Variants in CLVS1 observed in about 807,000 individuals in gnomAD.
The protein encoded by CLVS1 is clavesin-1.
A neutral mutation model predicts 33.1 loss-of-function variants in CLVS1; 10 were observed. That is an observed-to-expected ratio of 0.30 (90% CI 0.19 to 0.51). CLVS1 has a LOEUF of 0.51. CLVS1 is among the 20% of genes least tolerant of loss of function. The pLI, the probability that CLVS1 is intolerant of heterozygous loss-of-function variation, is 0.97. For missense variants in CLVS1, 343 were observed against 433.4 expected (o/e 0.79, Z 1.85); for synonymous variants, 163 against 166.1 (o/e 0.98, Z 0.14).
At chr8:61,338,408 C>T (rs187636891) in intron 2 of CLVS1, among the ~76,000 whole-genome samples, 93 of 152,250 alleles carry the variant, frequency 6.1e-4, no homozygotes, top group African/African-American at 2.1e-3. Context: ...TCCTTAAAAC[C>T]AAACATTTCT....
the CLVS1 span, among the ~76,000 whole-genome samples, chr8:60,976,651 C>T: frequency 6.6e-6 from 1 of 152,272 alleles, no homozygotes; most frequent in African/African-American, 2.4e-5. Context: ...TATTTTGGAA[C>T]TCTGAAGTCT....
intron 3 of CLVS1, among the ~76,000 whole-genome samples, chr8:61,425,004 G>A (rs192733108): frequency 6.6e-6 from 1 of 152,262 alleles, no homozygotes; most frequent in African/African-American, 2.4e-5. Context: ...TTCCAGATTA[G>A]GAATGCTGAA....
chr8:61,307,611 T>C (rs1224017023), intron 2 of CLVS1, among the ~76,000 whole-genome samples: 4 of 152,188 alleles, frequency 2.6e-5, no homozygotes, highest in Non-Finnish European at 5.9e-5. Flanking sequence ...AAAAAAATTC[T>C]TTATGAACAA....
chr8:61,135,572 G>A (rs1806178259), intron 2 of CLVS1, among the ~76,000 whole-genome samples: 1 of 152,198 alleles, frequency 6.6e-6, no homozygotes, highest in Admixed American at 6.5e-5. Context: ...GCAAGAGAAA[G>A]GAGAGATTGA....
At chr8:61,096,604 C>T (rs1805355092) in intron 1 of CLVS1, among the ~76,000 whole-genome samples, 1 of 152,168 alleles carries the variant, frequency 6.6e-6, no homozygotes, top group African/African-American at 2.4e-5. Context: ...AATGTCTGAA[C>T]TAGTAATGCA....
At chr8:61,442,800 A>G (rs1816610058) in intron 3 of CLVS1, among the ~76,000 whole-genome samples, 1 of 152,080 alleles carries the variant, frequency 6.6e-6, no homozygotes. Context: ...GGGTTTCACC[A>G]TATTGGCCAG....
At chr8:61,130,240 A>AAAATAAATAAATAAATAAAT (rs78418007) in intron 1 of CLVS1, among the ~76,000 whole-genome samples, 9 of 140,044 alleles carry the variant, frequency 6.4e-5, no homozygotes, top group African/African-American at 1.9e-4. Context: ...TCTGTCTCAA[A>AAAATAAATAAATAAATAAAT]AAATAAATAA....
At chr8:61,287,894 G>T (rs1260066549), upstream of CLVS1, 6 of 345,870 alleles carry the variant, frequency 1.7e-5, no homozygotes, top group Non-Finnish European at 3.4e-5. Context: ...AACCAGGGAG[G>T]GTTGTGGTAC....
At chr8:61,202,574 C>T in intron 2 of CLVS1, 1 of 1,253,134 alleles carries the variant, frequency 8.0e-7, no homozygotes, top group East Asian at 2.3e-5. Flanking sequence ...ATTAAAGTAA[C>T]ACTGGCAACT....
chr8:61,090,784 A>G, intron 1 of CLVS1: 1 of 478,564 alleles, frequency 2.1e-6, no homozygotes, highest in South Asian at 1.6e-5. Context: ...ACAGAGAAGA[A>G]TTTTCCTCTA....
the CLVS1 span, among the ~76,000 whole-genome samples, chr8:61,014,321 C>T: frequency 1.3e-5 from 2 of 152,096 alleles, no homozygotes; most frequent in East Asian, 3.8e-4. Context: ...TACTCTGCAC[C>T]CCATACCTGC....
the CLVS1 span, among the ~76,000 whole-genome samples, chr8:60,986,892 G>T: frequency 9.9e-5 from 15 of 152,150 alleles, no homozygotes; most frequent in Non-Finnish European, 1.6e-4. Context: ...CTGAATAAGA[G>T]GCATGACTTG....
chr8:61,003,535 T>C, the CLVS1 span, among the ~76,000 whole-genome samples: 14 of 152,176 alleles, frequency 9.2e-5, no homozygotes. Context: ...CAAGGATAAC[T>C]GGCAATGACT....
chr8:61,309,537 A>G (rs932608058), intron 2 of CLVS1, among the ~76,000 whole-genome samples: 3 of 151,884 alleles, frequency 2.0e-5, no homozygotes, highest in African/African-American at 4.8e-5. Flanking sequence ...AGACACTGTC[A>G]TATTTACTTT....
At chr8:61,231,323 C>T (rs1330516965) in intron 2 of CLVS1, among the ~76,000 whole-genome samples, 1 of 151,924 alleles carries the variant, frequency 6.6e-6, no homozygotes, top group Non-Finnish European at 1.5e-5. Context: ...TATTAGGAAA[C>T]ATCTCTTATT....
At chr8:61,058,384 C>G (rs1017073231) in intron 1 of CLVS1, among the ~76,000 whole-genome samples, 6 of 152,148 alleles carry the variant, frequency 3.9e-5, no homozygotes, top group Non-Finnish European at 8.8e-5. Context: ...TGACAGGAAC[C>G]TTTCTTTTAT....
chr8:61,421,183 C>T (rs371764504), intron 3 of CLVS1, among the ~76,000 whole-genome samples: 11 of 152,184 alleles, frequency 7.2e-5, no homozygotes, highest in South Asian at 2.1e-4. Flanking sequence ...TGCCTAGAAC[C>T]GAACCCCTCA....
chr8:61,369,399 G>A (rs182333508), intron 2 of CLVS1, among the ~76,000 whole-genome samples: 81 of 152,230 alleles, frequency 5.3e-4, no homozygotes, highest in Non-Finnish European at 9.7e-4. Context: ...GCTAAAACCT[G>A]AATTATGTAA....
At chr8:61,323,016 C>T (rs147073129) in intron 2 of CLVS1, among the ~76,000 whole-genome samples, 10 of 152,202 alleles carry the variant, frequency 6.6e-5, no homozygotes, top group African/African-American at 2.2e-4. Context: ...TCTCCTAATA[C>T]TTTATAGGCA....
Sources: gnomAD v4.1 joint callset for allele counts (sites outside exome capture counted in the v4.1 genomes callset) on GRCh38, gnomAD v4.1.1 for gene constraint, MANE v1.5 for transcripts, NCBI Gene and HGNC (gene_info 2026-07-23, HGNC 2026-07-21) for gene names.